The following STAM2 variants were observed in gnomAD, a reference collection of about 807,000 sequenced individuals.
STAM2 encodes signal transducing adaptor molecule 2.
In STAM2, 51 loss-of-function variants were observed where a neutral mutation model predicts 65.6. The observed-to-expected ratio is 0.78, with a 90% CI of 0.62 to 0.98. STAM2 has a LOEUF of 0.98. STAM2 is among the 50% of genes least tolerant of loss of function. The pLI, the probability that STAM2 is intolerant of heterozygous loss-of-function variation, is 0.00. For missense variants in STAM2, 584 were observed against 617.8 expected (o/e 0.95, Z 0.58); for synonymous variants, 198 against 208.4 (o/e 0.95, Z 0.43).
intron 11 of STAM2, among the ~76,000 whole-genome samples, chr2:152,127,970 G>C (rs999723399): frequency 5.9e-5 from 9 of 152,040 alleles, no homozygotes; most frequent in African/African-American, 2.2e-4. Context: ...ACAGACACAG[G>C]ACTACCAAGT....
intron 11 of STAM2, among the ~76,000 whole-genome samples, chr2:152,130,872 C>G (rs531641007): frequency 6.6e-6 from 1 of 151,252 alleles, no homozygotes; most frequent in African/African-American, 2.4e-5. Flanking sequence ...TGGCAGGCAC[C>G]TGTAATCCTA....
At chr2:152,172,004 C>T (rs534993017) in intron 1 of STAM2, among the ~76,000 whole-genome samples, 11 of 152,142 alleles carry the variant, frequency 7.2e-5, no homozygotes, top group Non-Finnish European at 1.3e-4. Context: ...ACCACTGTGG[C>T]CCCGTCCCCC....
At chr2:152,128,203 C>A (rs772393505) in intron 11 of STAM2, among the ~76,000 whole-genome samples, 1 of 152,070 alleles carries the variant, frequency 6.6e-6, no homozygotes, top group African/African-American at 2.4e-5. Flanking sequence ...GTCAGGAGAT[C>A]GAGACCATCC....
rs1688830638 is a variant in STAM2, at chr2:152,120,453, C to CTTTATTTA, written c.*113_*120dup. The CTTTATTTA allele has an allele frequency of 4.7e-6, 3 of 632,968 alleles. No individual in the cohort carries two copies. In the South Asian group the frequency reaches 6.4e-5, roughly 13 times the overall value. The allele number at this position is 632,968 out of a possible 1,614,324, so 39.2% of individuals were successfully genotyped here. ...TTGTAGAATAAGAGAGGTTTTTGTG[C>CTTTATTTA]TTTATTTATTCATGGTCCTTTTGAG... On this transcript the variant is annotated 3_prime_UTR_variant, in exon 14 of 14. Coordinates refer to ENST00000263904, the MANE Select transcript of STAM2 (RefSeq NM_005843.6).
intron 1 of STAM2, among the ~76,000 whole-genome samples, chr2:152,171,199 G>GT (rs1279314811): frequency 2.6e-5 from 4 of 151,946 alleles, no homozygotes; most frequent in African/African-American, 9.7e-5. Flanking sequence ...AAATACTAAA[G>GT]TATTTCACTG....
rs10524193 is a variant in STAM2, at chr2:152,159,094, C to CATATATATATATAT, written c.41-8879_41-8866dup. Among the ~76,000 whole-genome samples the CATATATATATATAT allele has an allele frequency of 1.5e-3, 158 of 103,002 alleles. 12 individuals are homozygous for CATATATATATATAT. The highest frequency in any genetic ancestry group is 6.3e-3 in the African/African-American group (141 of 22,216). The allele number at this position is 103,002 out of a possible 152,430, so 67.6% of individuals were successfully genotyped here. ...CAAGAAAAGCTAGCCAAAAAAAAAC[C>CATATATATATATAT]ATATATATATATATATACACACACA... On this transcript the variant is annotated intron_variant, in intron 1 of 13. Coordinates refer to ENST00000263904, the MANE Select transcript of STAM2 (RefSeq NM_005843.6).
Position 152,143,925 on chromosome 2 carries a change from C to T in STAM2, c.606G>A (p.Lys202=), listed in dbSNP as rs1368880398. 1.2e-6 allele frequency: 2 copies of T among 1,613,608 alleles called. No individual in the cohort carries two copies. Among genetic ancestry groups the T allele is most frequent in the Non-Finnish European group, 1.7e-6 (2 of 1,179,860 alleles). Residue 202 remains lysine, a synonymous_variant, in exon 7 of 14, where the codon AAG becomes AAA. Coordinates refer to ENST00000263904, the MANE Select transcript of STAM2 (RefSeq NM_005843.6). ...YPSSEIQLNN[K]VARKVRALYD... is the part of the protein sequence containing the mutation. ...ATAAAGCTCTCACTTTCCGTGCAAC[C>T]TTATTATTTAACTGAATTTCTGAAG... is the stretch of plus-strand genomic sequence containing the variant.
At chr2:152,140,437 A>G (rs1192107303) in intron 7 of STAM2, among the ~76,000 whole-genome samples, 1 of 152,192 alleles carries the variant, frequency 6.6e-6, no homozygotes, top group Non-Finnish European at 1.5e-5. Context: ...TTAACTACTG[A>G]TTTCTTAACA....
At chr2:152,122,054 A>AT (rs1688862187) in intron 13 of STAM2, among the ~76,000 whole-genome samples, 1 of 101,732 alleles carries the variant, frequency 9.8e-6, no homozygotes, top group African/African-American at 4.0e-5. Context: ...TCCCCAAAAA[A>AT]AAAATATATA....
At chr2:152,126,135 AAAG>A (rs1688960497) in intron 12 of STAM2, 88 bp downstream of exon 12, 6 of 1,078,552 alleles carry the variant, frequency 5.6e-6, no homozygotes, top group Non-Finnish European at 7.4e-6. Flanking sequence ...TTCACAGACA[AAAG>A]AAATCTTAAT....
In STAM2 at chr2:152,155,120, C is replaced by A. The variant is rs118137605; in HGVS notation, c.41-4891G>T. Reference sequence around the variant, plus strand: ...CAGAATGAATGTAACCATCATGGCACGAATTTTTGTTTGTTTTGTTCACTA... The same window carrying A: ...CAGAATGAATGTAACCATCATGGCAAGAATTTTTGTTTGTTTTGTTCACTA... On this transcript the variant is annotated intron_variant, in intron 1 of 13. Transcript: ENST00000263904. Among the ~76,000 whole-genome samples, 747 of 152,242 alleles carry A rather than the reference C, an allele frequency of 4.9e-3. 19 individuals carry two copies. The South Asian group carries it at 0.058, about 12-fold the overall frequency.
intron 1 of STAM2, among the ~76,000 whole-genome samples, chr2:152,159,093 C>CTATATATATATATATATATATATATATA (rs1182358654): frequency 1.7e-5 from 1 of 59,698 alleles, no homozygotes; most frequent in Non-Finnish European, 2.8e-5. Flanking sequence ...CAAAAAAAAA[C>CTATATATATATATATATATATATATATA]CATATATATA....
intron 1 of STAM2, among the ~76,000 whole-genome samples, chr2:152,152,582 A>G (rs1689466451): frequency 6.6e-6 from 1 of 152,080 alleles, no homozygotes; most frequent in Non-Finnish European, 1.5e-5. Flanking sequence ...CTTTCTGGCT[A>G]ATATAAATAA....
intron 8 of STAM2, 79 bp from the exon 9 acceptor site, chr2:152,133,563 T>C (rs187405385): frequency 1.3e-5 from 14 of 1,070,422 alleles, no homozygotes; most frequent in African/African-American, 3.2e-5. Context: ...TGGCCTATGA[T>C]TGTCCATAAG....
intron 4 of STAM2, 29 bp from the exon 5 acceptor site, chr2:152,147,337 C>T: frequency 6.6e-7 from 1 of 1,507,776 alleles, no homozygotes; most frequent in East Asian, 2.4e-5. Context: ...GGAAAATAAA[C>T]AAAAATCTAC....
chr2:152,126,173 T>C, intron 12 of STAM2, 53 bp downstream of exon 12: 1 of 1,444,128 alleles, frequency 6.9e-7, no homozygotes, highest in East Asian at 2.6e-5. Flanking sequence ...CATTTTCTTT[T>C]ACTTTTAAAA....
At chr2:152,169,891 T>C (rs1689868538) in intron 1 of STAM2, among the ~76,000 whole-genome samples, 1 of 151,608 alleles carries the variant, frequency 6.6e-6, no homozygotes, top group African/African-American at 2.4e-5. Context: ...TCTCACTCTG[T>C]TGCCCCAGCT....
At chr2:152,161,727 T>C (rs1045823533) in intron 1 of STAM2, among the ~76,000 whole-genome samples, 2 of 152,192 alleles carry the variant, frequency 1.3e-5, no homozygotes, top group African/African-American at 4.8e-5. Flanking sequence ...CCCCATTTAA[T>C]GTTCTGTTTG....
intron 7 of STAM2, 96 bp downstream of exon 7, chr2:152,143,731 T>A (rs1364235079): frequency 1.0e-6 from 1 of 969,930 alleles, no homozygotes; most frequent in Admixed American, 3.0e-5. Context: ...GGTTCTATTA[T>A]GATTTAAATA....
Sources: allele counts gnomAD v4.1 joint callset (sites outside exome capture counted in the v4.1 genomes callset), GRCh38; gene constraint gnomAD v4.1.1; transcripts MANE v1.5; gene names NCBI Gene and HGNC (gene_info 2026-07-23, HGNC 2026-07-21).